The following CDKN2C variants were observed in gnomAD, a reference collection of about 807,000 sequenced individuals.
CDKN2C encodes cyclin-dependent kinase 4 inhibitor C.
In CDKN2C, 5 loss-of-function variants were observed where a neutral mutation model predicts 11.0. That is an observed-to-expected ratio of 0.45 (90% confidence interval 0.24 to 0.95). The LOEUF is 0.95. Among genes scored for constraint, CDKN2C ranks in the 40% least tolerant of loss-of-function variants. The pLI is 0.21. For synonymous variants in CDKN2C, 79 were observed against 88.3 expected (o/e 0.89, Z 0.59); for missense variants, 161 against 211.9 (o/e 0.76, Z 1.49).
rs2147956502 is a variant in CDKN2C at position 50,970,425 on chromosome 1, G to A, written c.57G>A (p.Glu19=). Reference sequence around the variant, plus strand: ...CCGCAGCTGCCAGGGGGGACCTAGAGCAACTTACTAGTTTGTTGCAAAATA... The same window carrying A: ...CCGCAGCTGCCAGGGGGGACCTAGAACAACTTACTAGTTTGTTGCAAAATA... ...LASAAARGDL[E]QLTSLLQNNV... is the part of the protein sequence containing the mutation. The change falls in exon 1 of 2, where the codon GAG becomes GAA. Residue 19 remains glutamate, a synonymous_variant. Coordinates refer to ENST00000371761, the MANE Select transcript of CDKN2C (RefSeq NM_078626.3). The A allele has an allele frequency of 1.2e-6, 2 of 1,614,164 alleles. No individual in the cohort carries two copies. Among genetic ancestry groups the A allele is most frequent in the Non-Finnish European group, 1.7e-6 (2 of 1,180,030 alleles).
At chr1:50,964,163 A>G (rs1253709514) in intron 1 of CDKN2C, among the ~76,000 whole-genome samples, 1 of 152,224 alleles carries the variant, frequency 6.6e-6, no homozygotes, top group African/African-American at 2.4e-5. Context: ...ACTACTAGTT[A>G]AATTCTGGAG....
intron 1 of CDKN2C, among the ~76,000 whole-genome samples, chr1:50,965,038 C>T (rs540370038): frequency 2.1e-5 from 3 of 142,726 alleles, no homozygotes; most frequent in Non-Finnish European, 4.6e-5. Flanking sequence ...GGCGACAAAG[C>T]GAGATTCAGT....
In CDKN2C at chr1:50,974,529, T is replaced by TCCCTTGCTTCC; in HGVS notation, c.*262_*272dup. 2 of 360,548 alleles carry TCCCTTGCTTCC rather than the reference T, an allele frequency of 5.5e-6. No individual in the cohort carries two copies. Among genetic ancestry groups the TCCCTTGCTTCC allele is most frequent in the South Asian group, 9.8e-5 (1 of 10,178 alleles). 22.3% of individuals were successfully genotyped at this position (360,548 alleles called of 1,614,324 possible). A position where few individuals can be genotyped will look rare whatever the true frequency, so the allele number is the denominator to read the frequency against. On this transcript the variant is annotated 3_prime_UTR_variant, in exon 2 of 2. Transcript: ENST00000371761. Reference sequence around the variant, plus strand: ...GAATATTTTATCTTTCCTTGGCTTTTCCCTTGCTTCCCCTTTTGCCAATCT... The same window carrying TCCCTTGCTTCC: ...GAATATTTTATCTTTCCTTGGCTTTTCCCTTGCTTCCCCCTTGCTTCCCCTTTTGCCAATCT...
intron 1 of CDKN2C, among the ~76,000 whole-genome samples, chr1:50,963,042 C>G (rs1645333167): frequency 6.6e-6 from 1 of 152,144 alleles, no homozygotes; most frequent in Non-Finnish European, 1.5e-5. Flanking sequence ...CCTCATAAAC[C>G]TTAAAACTCT....
chr1:50,971,126 C>T (rs1285833596), intron 1 of CDKN2C, among the ~76,000 whole-genome samples: 2 of 152,192 alleles, frequency 1.3e-5, no homozygotes, highest in Non-Finnish European at 2.9e-5. Context: ...TTTGTCTCTA[C>T]GGTCATGCCG....
Position 50,974,035 on chromosome 1 carries a change from A to T in CDKN2C, c.272A>T (p.Glu91Val). ...GFLDTLQTLL[E>V]FQADVNIEDN... ...CTGGACACTTTACAGACTTTGCTGG[A>T]GTTTCAAGCTGATGTTAACATCGAG... Residue 91 changes from glutamate (E) to valine (V), a missense_variant, in exon 2 of 2, where the codon GAG becomes GTG. Transcript: ENST00000371761. 6.2e-7 allele frequency: 1 copy of T among 1,614,180 alleles called. No individual in the cohort carries two copies. Among genetic ancestry groups the T allele is most frequent in the Non-Finnish European group, 8.5e-7 (1 of 1,180,042 alleles).
intron 1 of CDKN2C, among the ~76,000 whole-genome samples, chr1:50,963,950 A>G (rs1645336267): frequency 6.6e-6 from 1 of 151,980 alleles, no homozygotes; most frequent in African/African-American, 2.4e-5. Flanking sequence ...TTCTTTTAAA[A>G]GAAACTTTTA....
chr1:50,973,797 T>TA, intron 1 of CDKN2C, 96 bp from the exon 2 acceptor site: 1 of 1,459,206 alleles, frequency 6.9e-7, no homozygotes, highest in Non-Finnish European at 9.5e-7. Flanking sequence ...CCATCAAAAA[T>TA]AAATAGTTAC....
rs148571437 is a variant in CDKN2C at position 50,963,566 on chromosome 1, G to T, written c.-1976+2763G>T. ...TAGTGCTCCTTCCACTTACCATGTT[G>T]CCTCTGTACAATTTCCCTTCCATGC... On this transcript the variant is annotated intron_variant, in intron 1 of 3. Transcript: ENST00000262662. 9.2e-5 allele frequency among the ~76,000 whole-genome samples: 14 copies of T among 152,254 alleles called. No individual in the cohort carries two copies. The East Asian group carries it at 2.7e-3, about 29-fold the overall frequency.
upstream of CDKN2C, among the ~76,000 whole-genome samples, chr1:50,965,560 T>A (rs1248138263): frequency 1.3e-5 from 2 of 151,558 alleles, no homozygotes; most frequent in African/African-American, 2.4e-5. Flanking sequence ...ATTAGAAAAA[T>A]TATCCAGGCA....
chr1:50,971,541 C>T (rs945397834), intron 1 of CDKN2C, among the ~76,000 whole-genome samples: 1 of 152,182 alleles, frequency 6.6e-6, no homozygotes, highest in African/African-American at 2.4e-5. Context: ...AGTTTATGCA[C>T]AGATACTAAA....
At chr1:50,972,955 T>C (rs1359657245) in intron 1 of CDKN2C, among the ~76,000 whole-genome samples, 1 of 152,162 alleles carries the variant, frequency 6.6e-6, no homozygotes, top group Admixed American at 6.5e-5. Context: ...AAATATCTTA[T>C]TTTTTCTTCT....
chr1:50,966,248 G>C (rs1306427071), upstream of CDKN2C, among the ~76,000 whole-genome samples: 4 of 151,902 alleles, frequency 2.6e-5, no homozygotes, highest in Non-Finnish European at 5.9e-5. Flanking sequence ...TAACCATGTT[G>C]GCCAGGCTGG....
At chr1:50,964,718 G>A (rs773352188) in intron 1 of CDKN2C, among the ~76,000 whole-genome samples, 42 of 152,094 alleles carry the variant, frequency 2.8e-4, no homozygotes, top group African/African-American at 2.4e-4. Context: ...CCTGAAATAC[G>A]GGGATTATTA....
chr1:50,963,287 G>A (rs144780659), intron 1 of CDKN2C, among the ~76,000 whole-genome samples: 2 of 152,110 alleles, frequency 1.3e-5, no homozygotes, highest in Non-Finnish European at 2.9e-5. Context: ...ATTATAAACC[G>A]CTTTATGCCA....
chr1:50,970,191 G>A, upstream of CDKN2C: 1 of 706,830 alleles, frequency 1.4e-6, no homozygotes, highest in Non-Finnish European at 2.3e-6. Context: ...GTGAATCGAG[G>A]GGCGGGCTTT....
rs1441487942 is a variant in CDKN2C at position 50,974,276 on chromosome 1, G to A, written c.*6G>A. 4 of 1,542,462 alleles carry A rather than the reference G, an allele frequency of 2.6e-6. No homozygotes were observed. Among genetic ancestry groups the A allele is most frequent in the Non-Finnish European group, 3.5e-6 (4 of 1,146,288 alleles). On this transcript the variant is annotated 3_prime_UTR_variant, in exon 2 of 2. Transcript: ENST00000371761. ...GAGCCACAAATCTTCAATAAACGTG[G>A]GGAGGGCTCCCCCACGTTGCCTCTA...
chr1:50,973,497 A>G (rs1645390846), intron 1 of CDKN2C, among the ~76,000 whole-genome samples: 2 of 152,232 alleles, frequency 1.3e-5, no homozygotes, highest in African/African-American at 4.8e-5. Flanking sequence ...AGCATGAACA[A>G]TCAAACAGAA....
At chr1:50,963,955 C>T (rs911978525) in intron 1 of CDKN2C, among the ~76,000 whole-genome samples, 1 of 151,642 alleles carries the variant, frequency 6.6e-6, no homozygotes, top group Non-Finnish European at 1.5e-5. Flanking sequence ...TTAAAAGAAA[C>T]TTTTATATCA....
Sources: gnomAD v4.1 joint callset for allele counts (sites outside exome capture counted in the v4.1 genomes callset) on GRCh38, gnomAD v4.1.1 for gene constraint, MANE v1.5 for transcripts, NCBI Gene and HGNC (gene_info 2026-07-23, HGNC 2026-07-21) for gene names.